DIP2C: variants seen among roughly 807,000 people sequenced by gnomAD.
DIP2C encodes disco-interacting protein 2 homolog C.
A neutral mutation model predicts 192.4 loss-of-function variants in DIP2C; 33 were observed. That is an observed-to-expected ratio of 0.17 (90% CI 0.13 to 0.23). DIP2C has a LOEUF of 0.23. Ranked by LOEUF, DIP2C falls within the 10% of genes least tolerant of loss-of-function variation. The pLI is 1.00. For missense variants in DIP2C, 1,537 were observed against 2,110.1 expected (o/e 0.73, Z 5.32); for synonymous variants, 979 against 864.1 (o/e 1.13, Z -2.33).
intron 19 of DIP2C, among the ~76,000 whole-genome samples, chr10:366,012 A>T (rs1960151467): frequency 6.6e-6 from 1 of 152,252 alleles, no homozygotes; most frequent in Non-Finnish European, 1.5e-5. Context: ...CACTTTTCAC[A>T]GTAAAAGTGA....
intron 18 of DIP2C, among the ~76,000 whole-genome samples, chr10:367,760 G>A (rs916184634): frequency 1.3e-5 from 2 of 152,218 alleles, no homozygotes; most frequent in South Asian, 2.1e-4. Context: ...AGAACACCGC[G>A]GAGCTCGTTA....
chr10:479,276 G>A (rs1302026239), intron 2 of DIP2C, among the ~76,000 whole-genome samples: 1 of 148,820 alleles, frequency 6.7e-6, no homozygotes, highest in Non-Finnish European at 1.5e-5. Context: ...ACAATGGTAA[G>A]ACTGAAATTC....
At position 649,838 on chromosome 10, in the gene DIP2C, T is replaced by TA. The variant is rs1855740860; in HGVS notation, c.85+39655dup. ...TCTGGCAGAAAACCATTGAAGTTTT[T>TA]ATTTGCAGTAAGAGAAGCATGCCTT... On this transcript the variant is annotated intron_variant, in intron 1 of 36. Coordinates refer to ENST00000280886, the MANE Select transcript of DIP2C (RefSeq NM_014974.3). The TA allele has an allele frequency of 3.1e-5, 15 of 479,236 alleles. No individual in the cohort carries two copies. The South Asian group carries it at 4.1e-4, about 13-fold the overall frequency. 29.7% of individuals were successfully genotyped at this position (479,236 alleles called of 1,614,324 possible). A position where few individuals can be genotyped will look rare whatever the true frequency, so the allele number is the denominator to read the frequency against.
chr10:484,751 G>A (rs1843875956), intron 2 of DIP2C: 1 of 1,605,168 alleles, frequency 6.2e-7, no homozygotes, highest in Non-Finnish European at 8.5e-7. Context: ...ACCCTGCTGT[G>A]GGGCTGGCTC....
At chr10:480,743 G>C (rs1168013700) in intron 2 of DIP2C, among the ~76,000 whole-genome samples, 1 of 152,228 alleles carries the variant, frequency 6.6e-6, no homozygotes. Context: ...GGAAATAAAC[G>C]TACGGGATCA....
chr10:517,417 G>T (rs761541185), intron 1 of DIP2C, among the ~76,000 whole-genome samples: 11 of 152,036 alleles, frequency 7.2e-5, no homozygotes, highest in Non-Finnish European at 1.5e-5. Context: ...AAAGCCTCTG[G>T]CCCACCCAAG....
At chr10:547,116 A>T (rs1848325224) in intron 1 of DIP2C, among the ~76,000 whole-genome samples, 1 of 152,186 alleles carries the variant, frequency 6.6e-6, no homozygotes. Flanking sequence ...ACCTCTGCAT[A>T]CTTCCTGTTT....
intron 9 of DIP2C, among the ~76,000 whole-genome samples, chr10:405,676 CCCTCCGTTCAAT>C (rs1964750878): frequency 6.6e-6 from 1 of 152,190 alleles, no homozygotes; most frequent in African/African-American, 2.4e-5. Flanking sequence ...CACATGGCTT[CCCTCCGTTCAAT>C]CCTCTGTGTA....
At chr10:595,160 G>A (rs1474137686) in intron 1 of DIP2C, among the ~76,000 whole-genome samples, 1 of 152,144 alleles carries the variant, frequency 6.6e-6, no homozygotes, top group Non-Finnish European at 1.5e-5. Flanking sequence ...GGCCCACACG[G>A]AATCAAACTG....
rs1242785677 is a variant in DIP2C, at chr10:578,705, C to T, written c.86-92175G>A. Among the ~76,000 whole-genome samples the T allele has an allele frequency of 5.3e-5, 8 of 152,088 alleles. No homozygotes were observed. In the South Asian group the frequency reaches 1.7e-3, roughly 31 times the overall value. On this transcript the variant is annotated intron_variant, in intron 1 of 36. Transcript: ENST00000280886. ...CATAGAGCACACACACATCTAGATC[C>T]ACATACTATATGTACATAGGTACAG...
intron 3 of DIP2C, among the ~76,000 whole-genome samples, chr10:456,693 G>A (rs1292164421): frequency 6.6e-6 from 1 of 152,196 alleles, no homozygotes; most frequent in Non-Finnish European, 1.5e-5. Context: ...GCCACCGTTT[G>A]TCTCCACTAC....
chr10:489,882 C>T (rs577314231), intron 1 of DIP2C, among the ~76,000 whole-genome samples: 1 of 68,824 alleles, frequency 1.5e-5, no homozygotes. Flanking sequence ...TCCTCCATTT[C>T]ACACCAGGGA....
At chr10:658,778 T>A (rs1856566141) in intron 1 of DIP2C, among the ~76,000 whole-genome samples, 1 of 152,186 alleles carries the variant, frequency 6.6e-6, no homozygotes, top group Non-Finnish European at 1.5e-5. Context: ...TTAACCCCAA[T>A]GGTATATGTA....
intron 2 of DIP2C, among the ~76,000 whole-genome samples, chr10:476,115 G>A (rs1015362042): frequency 2.6e-5 from 4 of 152,198 alleles, no homozygotes; most frequent in African/African-American, 4.8e-5. Flanking sequence ...GAGAGAGGCC[G>A]GCATGGTCCC....
At chr10:350,378 A>T (rs895507074) in intron 24 of DIP2C, among the ~76,000 whole-genome samples, 2 of 152,184 alleles carry the variant, frequency 1.3e-5, no homozygotes, top group African/African-American at 4.8e-5. Context: ...AATAAATTAC[A>T]AATTATAAGC....
At chr10:607,453 C>G (rs965939427) in intron 1 of DIP2C, among the ~76,000 whole-genome samples, 1 of 152,140 alleles carries the variant, frequency 6.6e-6, no homozygotes, top group African/African-American at 2.4e-5. Flanking sequence ...CATTGTATCC[C>G]TCTATAACAT....
Position 545,166 on chromosome 10 carries a change from C to CCTTTTTT in DIP2C, c.86-58637_86-58636insAAAAAAG, listed in dbSNP as rs1554896881. ...TGATCCAACATGACTGGTGTTTTCC[C>CCTTTTTT]TTTTTTTTTTTTTTTTTTTTTTTGA... On this transcript the variant is annotated intron_variant, in intron 1 of 36. Coordinates refer to ENST00000280886, the MANE Select transcript of DIP2C (RefSeq NM_014974.3). Among the ~76,000 whole-genome samples the CCTTTTTT allele has an allele frequency of 9.1e-4, 79 of 86,354 alleles. 1 individual carries two copies. Among genetic ancestry groups the CCTTTTTT allele is most frequent in the African/African-American group, 3.0e-3 (53 of 17,598 alleles). The allele number at this position is 86,354 out of a possible 152,430, so 56.7% of individuals were successfully genotyped here. A position where few individuals can be genotyped will look rare whatever the true frequency, so the allele number is the denominator to read the frequency against.
intron 1 of DIP2C, among the ~76,000 whole-genome samples, chr10:506,524 T>C (rs1424401694): frequency 2.0e-5 from 3 of 152,134 alleles, no homozygotes; most frequent in Non-Finnish European, 4.4e-5. Context: ...AGAGCACAGT[T>C]CATCTCAAAT....
At chr10:658,800 T>C (rs1420778315) in intron 1 of DIP2C, among the ~76,000 whole-genome samples, 3 of 152,238 alleles carry the variant, frequency 2.0e-5, no homozygotes, top group African/African-American at 7.2e-5. Flanking sequence ...ATATATATTT[T>C]ATAGAGCATC....
Sources: allele counts gnomAD v4.1 joint callset (sites outside exome capture counted in the v4.1 genomes callset), GRCh38; gene constraint gnomAD v4.1.1; transcripts MANE v1.5; gene names NCBI Gene and HGNC (gene_info 2026-07-23, HGNC 2026-07-21).